ITPK1: variants seen among roughly 807,000 people sequenced by gnomAD.
The protein encoded by ITPK1 is inositol-tetrakisphosphate 1-kinase, also known as inositol 1,3,4-trisphosphate 5/6-kinase.
A neutral mutation model predicts 45.3 loss-of-function variants in ITPK1; 21 were observed. That is an observed-to-expected ratio of 0.46 (90% CI 0.33 to 0.67). The LOEUF (loss-of-function observed/expected upper bound fraction) is 0.67, where lower values mean the gene tolerates loss of function less well. Among genes scored for constraint, ITPK1 ranks in the 30% least tolerant of loss-of-function variants. ITPK1 has a pLI of 0.02. For synonymous variants in ITPK1, 258 were observed against 253.6 expected (o/e 1.02, Z -0.16); for missense variants, 474 against 573.5 (o/e 0.83, Z 1.77).
At chr14:92,985,419 T>C (rs76960856) in intron 5 of ITPK1, among the ~76,000 whole-genome samples, 9,595 of 152,080 alleles carry the variant, frequency 0.063, 390 homozygotes, top group East Asian at 0.2. Context: ...GGGAACTCTG[T>C]GTACTATCTT....
At chr14:93,060,367 C>T (rs902786319) in intron 3 of ITPK1, among the ~76,000 whole-genome samples, 1 of 152,150 alleles carries the variant, frequency 6.6e-6, no homozygotes, top group African/African-American at 2.4e-5. Flanking sequence ...AAGAGGAACA[C>T]GTTCTGGGTC....
Position 92,941,650 on chromosome 14 carries a change from G to C in ITPK1, c.1156C>G (p.His386Asp). The change falls in exon 11 of 11, where the codon CAC (histidine) becomes GAC (aspartate). Residue 386 changes from histidine to aspartate, a missense_variant. Physicochemically the swap from His to Asp is moderately conservative, Grantham distance 81. This residue lies in a region of ITPK1 where 107 missense variants were observed against 92.9 expected (regional missense o/e 1.15). Transcript: ENST00000267615. ...CCGGCGTTGCAGCCGAGTCTCTGGT[G>C]CGGCAGCTTGGCGGTGCCGCCCGCG... ...ADAGGTAKLP[H>D]QRLGCNAGVS... 1 of 1,540,516 alleles carries C rather than the reference G, an allele frequency of 6.5e-7. No individual in the cohort carries two copies. The highest frequency in any genetic ancestry group is 8.7e-7 in the Non-Finnish European group (1 of 1,145,236).
chr14:93,110,754 G>A (rs1312509464), intron 2 of ITPK1, among the ~76,000 whole-genome samples: 3 of 152,190 alleles, frequency 2.0e-5, no homozygotes, highest in Non-Finnish European at 4.4e-5. Context: ...CCAGAAACAC[G>A]TTTCTTGCAA....
rs78841726 is a variant in ITPK1, at chr14:93,051,994, C to A, written c.120+24601G>T. 7.3e-3 allele frequency among the ~76,000 whole-genome samples: 1,114 copies of A among 152,328 alleles called. 14 individuals carry two copies. The highest frequency in any genetic ancestry group is 0.026 in the African/African-American group (1,061 of 41,562). ...CTCTGAGGGCACCACCATCTTCACC[C>A]TTTTGTAGCTGGAGCTTGCACCAGG... On this transcript the variant is annotated intron_variant, in intron 3 of 10. Coordinates refer to ENST00000267615, the MANE Select transcript of ITPK1 (RefSeq NM_014216.6).
rs943928863 is a variant in ITPK1 at position 93,034,869 on chromosome 14, C to T, written c.121-18068G>A. Among the ~76,000 whole-genome samples, 8 of 152,256 alleles carry T rather than the reference C, an allele frequency of 5.3e-5. No homozygotes were observed. The highest frequency in any genetic ancestry group is 1.7e-4 in the African/African-American group (7 of 41,474). ...CACAGGGCCGAGGATTCAGTGGTTC[C>T]CTCCAACCTGAGGTCCTGGCCCTCC... On this transcript the variant is annotated intron_variant, in intron 3 of 10. Transcript: ENST00000267615. The surrounding 1 kb of genome is among the most constrained non-coding windows in gnomAD (Gnocchi z 4.1).
chr14:92,976,070 C>T (rs944630864), intron 5 of ITPK1, among the ~76,000 whole-genome samples: 3 of 152,230 alleles, frequency 2.0e-5, no homozygotes, highest in Non-Finnish European at 2.9e-5. Context: ...GCCTCCCTGG[C>T]CCTGCAAACT....
chr14:93,084,283 A>G (rs369981018), intron 2 of ITPK1, among the ~76,000 whole-genome samples: 13 of 152,374 alleles, frequency 8.5e-5, no homozygotes, highest in Admixed American at 5.9e-4. Flanking sequence ...CTGGTTCCCA[A>G]CTATGGGCAA....
chr14:93,110,495 C>T (rs1428981825), intron 2 of ITPK1, among the ~76,000 whole-genome samples: 1 of 152,122 alleles, frequency 6.6e-6, no homozygotes, highest in East Asian at 1.9e-4. Flanking sequence ...TGGAGATGGC[C>T]CTATTTTAAA....
chr14:93,087,556 T>C (rs1595203291), intron 2 of ITPK1, among the ~76,000 whole-genome samples: 2 of 152,226 alleles, frequency 1.3e-5, no homozygotes, highest in East Asian at 1.9e-4. Flanking sequence ...ATCCCATCTG[T>C]AGTCATGTCA....
chr14:93,094,344 C>T (rs1891983287), intron 2 of ITPK1, among the ~76,000 whole-genome samples: 1 of 152,196 alleles, frequency 6.6e-6, no homozygotes, highest in Non-Finnish European at 1.5e-5. Flanking sequence ...CACCTATGCC[C>T]ATGGCTCAGA....
Position 92,940,902 on chromosome 14 carries a change from C to T in ITPK1, c.*659G>A, listed in dbSNP as rs77138997. The T allele has an allele frequency of 0.013, 16,782 of 1,288,306 alleles. 880 individuals carry two copies. The East Asian group carries it at 0.23, about 17-fold the overall frequency. The allele number at this position is 1,288,306 out of a possible 1,614,324, so 79.8% of individuals were successfully genotyped here. A position where few individuals can be genotyped will look rare whatever the true frequency, so the allele number is the denominator to read the frequency against. Reference sequence around the variant, plus strand: ...TAAATGGGACGTGTGTTGGGGGGCCCAGAGGACGCCCAGCTTCCTTTCCTT... The same window carrying T: ...TAAATGGGACGTGTGTTGGGGGGCCTAGAGGACGCCCAGCTTCCTTTCCTT... On this transcript the variant is annotated 3_prime_UTR_variant, in exon 11 of 11. Transcript: ENST00000267615.
intron 3 of ITPK1, among the ~76,000 whole-genome samples, chr14:93,041,304 T>C (rs1037015450): frequency 3.3e-5 from 5 of 152,154 alleles, no homozygotes; most frequent in African/African-American, 1.2e-4. Context: ...CTCCAAGAAG[T>C]CTTCTCTGAC....
At chr14:92,982,164 T>C (rs1886267420) in intron 5 of ITPK1, among the ~76,000 whole-genome samples, 1 of 152,134 alleles carries the variant, frequency 6.6e-6, no homozygotes, top group African/African-American at 2.4e-5. Context: ...GGGAAAACCA[T>C]TGTATTACTC....
At chr14:93,004,550 G>C (rs967444724) in intron 4 of ITPK1, among the ~76,000 whole-genome samples, 1 of 152,124 alleles carries the variant, frequency 6.6e-6, no homozygotes. Context: ...TTGTGAGTGA[G>C]TGCGTGTGTG....
chr14:93,025,192 C>CA (rs142392156), intron 3 of ITPK1, among the ~76,000 whole-genome samples: 4,300 of 152,210 alleles, frequency 0.028, 188 homozygotes, highest in African/African-American at 0.096. Context: ...ACACCACTGT[C>CA]AGCTTTGCAG....
chr14:93,006,141 G>A (rs528136050), intron 4 of ITPK1, among the ~76,000 whole-genome samples: 16 of 152,226 alleles, frequency 1.1e-4, no homozygotes, highest in East Asian at 3.9e-4. Flanking sequence ...GCTGAGAGCC[G>A]AGCAGTGGTG....
At chr14:93,022,404 C>T (rs1004342596) in intron 3 of ITPK1, among the ~76,000 whole-genome samples, 13 of 152,128 alleles carry the variant, frequency 8.5e-5, no homozygotes, top group African/African-American at 3.1e-4. Context: ...GATGGTGTGG[C>T]TGGGCACAGT....
Position 92,939,875 on chromosome 14 carries a change from C to T in ITPK1, c.*1686G>A, listed in dbSNP as rs761027461. ...ACACGTGTGAAATGCGGTTTGATTT[C>T]AGTAGTTTATTTTGGAGACAAAGCA... On this transcript the variant is annotated 3_prime_UTR_variant, in exon 11 of 11. Transcript: ENST00000267615. The T allele has an allele frequency of 1.1e-5, 11 of 985,802 alleles. No individual in the cohort carries two copies. The highest frequency in any genetic ancestry group is 1.3e-5 in the Non-Finnish European group (11 of 829,940). 61.1% of individuals were successfully genotyped at this position (985,802 alleles called of 1,614,324 possible). A position where few individuals can be genotyped will look rare whatever the true frequency, so the allele number is the denominator to read the frequency against.
rs576063943 is a variant in ITPK1 at position 92,992,317 on chromosome 14, T to C, written c.364+1563A>G. On this transcript the variant is annotated intron_variant, in intron 5 of 10. Transcript: ENST00000267615. ...CCAAATTTTACCAAACCTTCACCCATGGCAGACTGAGATGAAGGTGACCCC... is the reference window on the plus strand; with the variant it reads ...CCAAATTTTACCAAACCTTCACCCACGGCAGACTGAGATGAAGGTGACCCC... 2.6e-5 allele frequency among the ~76,000 whole-genome samples: 4 copies of C among 152,320 alleles called. No homozygotes were observed. The East Asian group carries it at 7.7e-4, about 29-fold the overall frequency.
Sources: allele counts gnomAD v4.1 joint callset (sites outside exome capture counted in the v4.1 genomes callset), GRCh38; gene constraint gnomAD v4.1.1; regional missense constraint gnomAD v4.1.1; non-coding constraint Gnocchi (gnomAD v3.1); transcripts MANE v1.5; gene names NCBI Gene and HGNC (gene_info 2026-07-23, HGNC 2026-07-21).